Variants in AGTPBP1 observed in about 807,000 individuals in gnomAD.
AGTPBP1 encodes the protein ATP/GTP binding carboxypeptidase 1, also known as cytosolic carboxypeptidase 1.
Under a neutral mutation model 143.9 loss-of-function variants are expected in AGTPBP1, and 70 were observed. The observed-to-expected ratio is 0.49, with a 90% CI of 0.40 to 0.59. The LOEUF is 0.59. Among genes scored for constraint, AGTPBP1 ranks in the 20% least tolerant of loss-of-function variants. The pLI is 0.00. For missense variants in AGTPBP1, 1,229 were observed against 1,464.5 expected (o/e 0.84, Z 2.62); for synonymous variants, 463 against 500.2 (o/e 0.93, Z 0.99).
At chr9:85,797,329 A>G in the AGTPBP1 span, among the ~76,000 whole-genome samples, 1 of 151,968 alleles carries the variant, frequency 6.6e-6, no homozygotes, top group Non-Finnish European at 1.5e-5. Context: ...GCCTGGTCTC[A>G]AAACTCCTGA....
intron 8 of AGTPBP1, among the ~76,000 whole-genome samples, chr9:85,666,491 C>T (rs1834141937): frequency 6.6e-6 from 1 of 152,034 alleles, no homozygotes; most frequent in African/African-American, 2.4e-5. Flanking sequence ...CAAGATATAG[C>T]AAGTTTGGTC....
In AGTPBP1 at chr9:85,669,497, G is replaced by C. The variant is rs569075776; in HGVS notation, c.650C>G (p.Ser217Cys). The change falls in exon 8 of 26, where the codon TCC becomes TGC. Residue 217 changes from serine to cysteine, a missense_variant. Ser to Cys is a moderately radical substitution (Grantham distance 112). Transcript: ENST00000357081. ...KIIGPFSKKN[S>C]SLIKVALDTL... ...AACATTTACTCACTTTATAAGACTG[G>C]AATTCTTCTTACTAAATGGTCCAAT... 3 of 1,605,862 alleles carry C rather than the reference G, an allele frequency of 1.9e-6. No individual in the cohort carries two copies. In the South Asian group the frequency reaches 3.3e-5, roughly 18 times the overall value.
At chr9:85,802,839 A>G in the AGTPBP1 span, among the ~76,000 whole-genome samples, 7 of 152,346 alleles carry the variant, frequency 4.6e-5, no homozygotes, top group South Asian at 1.2e-3. Context: ...GCTGGCAGAA[A>G]GGAAAATGTA....
intron 1 of AGTPBP1, among the ~76,000 whole-genome samples, chr9:85,715,765 A>T (rs1837665028): frequency 6.6e-6 from 1 of 152,232 alleles, no homozygotes; most frequent in African/African-American, 2.4e-5. Context: ...AATATGGTGT[A>T]ACAGAAAGTG....
At chr9:85,649,999 T>TA (rs1564104851) in intron 11 of AGTPBP1, among the ~76,000 whole-genome samples, 2 of 151,608 alleles carry the variant, frequency 1.3e-5, no homozygotes, top group African/African-American at 4.8e-5. Context: ...AGATTAATCT[T>TA]ACCAGATTGT....
intron 19 of AGTPBP1, among the ~76,000 whole-genome samples, chr9:85,590,075 T>C (rs1218293706): frequency 6.6e-6 from 1 of 152,142 alleles, no homozygotes; most frequent in Non-Finnish European, 1.5e-5. Context: ...TGAGTGATAA[T>C]AGACCTGTAA....
chr9:85,760,615 T>C, the AGTPBP1 span, among the ~76,000 whole-genome samples: 303 of 152,306 alleles, frequency 2.0e-3, 1 homozygote, highest in Non-Finnish European at 3.3e-3. Context: ...TGAGGGGACA[T>C]ATCTCAAAAT....
At chr9:85,646,198 A>G (rs1042531000) in intron 12 of AGTPBP1, 123 bp downstream of exon 12, 4 of 654,498 alleles carry the variant, frequency 6.1e-6, no homozygotes, top group Non-Finnish European at 1.0e-5. Context: ...ATAGTCATTC[A>G]TGGTAAAAAG....
the AGTPBP1 span, chr9:85,753,300 C>T: frequency 6.2e-7 from 1 of 1,613,510 alleles, no homozygotes; most frequent in Non-Finnish European, 8.5e-7. Context: ...ATTTCTTTTT[C>T]TATAGGAACT....
chr9:85,611,948 G>T (rs1035153595), intron 17 of AGTPBP1, among the ~76,000 whole-genome samples: 1 of 152,108 alleles, frequency 6.6e-6, no homozygotes, highest in Non-Finnish European at 1.5e-5. Context: ...CCAAAGTGCT[G>T]GGATTACAGG....
At chr9:85,600,056 C>A (rs1343524901) in intron 17 of AGTPBP1, among the ~76,000 whole-genome samples, 1 of 152,160 alleles carries the variant, frequency 6.6e-6, no homozygotes, top group African/African-American at 2.4e-5. Context: ...TGGAAAATAT[C>A]ACATGTGTTA....
At chr9:85,746,069 C>G (rs1317906288), upstream of AGTPBP1, among the ~76,000 whole-genome samples, 1 of 152,034 alleles carries the variant, frequency 6.6e-6, no homozygotes. Context: ...AACAGGAAAG[C>G]CCATTTGCAG....
chr9:85,759,097 A>T, the AGTPBP1 span, among the ~76,000 whole-genome samples: 9 of 152,214 alleles, frequency 5.9e-5, no homozygotes, highest in African/African-American at 2.2e-4. Context: ...TGCACCCAAT[A>T]CAGGGGCACT....
chr9:85,771,283 T>G, the AGTPBP1 span, among the ~76,000 whole-genome samples: 9 of 152,128 alleles, frequency 5.9e-5, no homozygotes, highest in Non-Finnish European at 1.2e-4. Context: ...GAGAATCACT[T>G]GAGCCCAGAA....
At chr9:85,742,003 T>C (rs532393870), upstream of AGTPBP1, 23,415 of 1,208,688 alleles carry the variant, frequency 0.019, 267 homozygotes, top group Middle Eastern at 0.032. Flanking sequence ...ACCGCACGCC[T>C]TGCCAGCCGG....
At chr9:85,795,277 T>C in the AGTPBP1 span, among the ~76,000 whole-genome samples, 2 of 152,216 alleles carry the variant, frequency 1.3e-5, no homozygotes, top group East Asian at 3.8e-4. Flanking sequence ...TGTCTCTCTG[T>C]ATCTTGAGAA....
chr9:85,582,447 C>G (rs1256641088), intron 23 of AGTPBP1, among the ~76,000 whole-genome samples: 1 of 152,132 alleles, frequency 6.6e-6, no homozygotes, highest in Non-Finnish European at 1.5e-5. Flanking sequence ...GAGGCCGAGG[C>G]AGGCGGATCA....
At chr9:85,785,968 T>C in the AGTPBP1 span, 5 of 615,866 alleles carry the variant, frequency 8.1e-6, no homozygotes, top group Non-Finnish European at 1.4e-5. Context: ...CTAAAATAAG[T>C]CATTTAACAA....
chr9:85,767,009 CTTT>C, the AGTPBP1 span, among the ~76,000 whole-genome samples: 7 of 128,646 alleles, frequency 5.4e-5, no homozygotes, highest in African/African-American at 1.4e-4. Context: ...GGTCACACCG[CTTT>C]TTTTTTTTTT....
Sources: gnomAD v4.1 joint callset for allele counts (sites outside exome capture counted in the v4.1 genomes callset) on GRCh38, gnomAD v4.1.1 for gene constraint, MANE v1.5 for transcripts, NCBI Gene and HGNC (gene_info 2026-07-23, HGNC 2026-07-21) for gene names.